SMG6: variants seen among roughly 807,000 people sequenced by gnomAD.
SMG6 encodes the protein telomerase-binding protein EST1A.
In SMG6, 66 loss-of-function variants were observed where a neutral mutation model predicts 142.2. The ratio of observed to expected loss-of-function variants is 0.46; its 90% CI spans 0.38 to 0.57. The LOEUF is 0.57. Ranked by LOEUF, SMG6 falls within the 20% of genes least tolerant of loss-of-function variation. The pLI is 0.00. For synonymous variants in SMG6, 779 were observed against 702.4 expected (o/e 1.11, Z -1.72); for missense variants, 1,793 against 1,832.0 (o/e 0.98, Z 0.39).
At chr17:2,183,761 C>T (rs897814515) in intron 12 of SMG6, among the ~76,000 whole-genome samples, 1 of 61,216 alleles carries the variant, frequency 1.6e-5, no homozygotes, top group African/African-American at 9.0e-5. Context: ...CACACACACA[C>T]ACACACACAC....
chr17:2,263,231 G>A (rs1385033190), intron 8 of SMG6, among the ~76,000 whole-genome samples: 1 of 152,156 alleles, frequency 6.6e-6, no homozygotes, highest in Non-Finnish European at 1.5e-5. Flanking sequence ...TGAGGTTGAA[G>A]AAACCCATTT....
chr17:2,076,691 A>G (rs550343450), intron 15 of SMG6, among the ~76,000 whole-genome samples: 1 of 152,334 alleles, frequency 6.6e-6, no homozygotes, highest in African/African-American at 2.4e-5. Context: ...CCCGGGCATT[A>G]AAGCGGGGTG....
chr17:2,182,787 T>G (rs952020654), intron 12 of SMG6, among the ~76,000 whole-genome samples: 1 of 151,316 alleles, frequency 6.6e-6, no homozygotes, highest in African/African-American at 2.4e-5. Flanking sequence ...CACACATAAA[T>G]GCATAACACA....
At chr17:2,135,476 C>G (rs996325967) in intron 13 of SMG6, among the ~76,000 whole-genome samples, 2 of 152,138 alleles carry the variant, frequency 1.3e-5, no homozygotes, top group Non-Finnish European at 2.9e-5. Flanking sequence ...CCCGTCCACC[C>G]CCACCAACCC....
intron 2 of SMG6, 148 bp downstream of exon 2, chr17:2,298,756 TTC>T (rs2075201481): frequency 1.4e-6 from 1 of 707,914 alleles, no homozygotes; most frequent in Middle Eastern, 4.2e-4. Flanking sequence ...AAAACTTCTG[TTC>T]TGTTTCCAAC....
chr17:2,121,254 A>ACTGC (rs1567613789), intron 13 of SMG6, among the ~76,000 whole-genome samples: 1 of 151,892 alleles, frequency 6.6e-6, no homozygotes, highest in Non-Finnish European at 1.5e-5. Flanking sequence ...AAACAGATTC[A>ACTGC]CTGTCAACCA....
chr17:2,225,315 A>G (rs2073284891), intron 10 of SMG6, among the ~76,000 whole-genome samples: 1 of 150,674 alleles, frequency 6.6e-6, no homozygotes, highest in Non-Finnish European at 1.5e-5. Context: ...CATCTTTACT[A>G]AAAATACAAA....
At chr17:2,069,060 G>T in intron 15 of SMG6, 129 bp from the exon 16 acceptor site, 1 of 871,920 alleles carries the variant, frequency 1.1e-6, no homozygotes. Flanking sequence ...GTAATAACCA[G>T]TCCCCGTCGG....
Position 2,091,276 on chromosome 17 carries a change from AG to A in SMG6, c.3358-5376del, listed in dbSNP as rs1013401750. On this transcript the variant is annotated intron_variant, in intron 13 of 18. Transcript: ENST00000263073. Reference sequence around the variant, plus strand: ...GAGGAAATGGTTTATTCACATTCCTAGGGGGAGGGGCCTCCTGGCAGGAAGC... The same window carrying A: ...GAGGAAATGGTTTATTCACATTCCTAGGGGAGGGGCCTCCTGGCAGGAAGC... 2.6e-5 allele frequency among the ~76,000 whole-genome samples: 4 copies of A among 152,174 alleles called. No individual in the cohort carries two copies. In the South Asian group the frequency reaches 6.2e-4, roughly 24 times the overall value.
intron 13 of SMG6, among the ~76,000 whole-genome samples, chr17:2,114,959 TGA>T (rs2069458389): frequency 1.4e-5 from 1 of 73,254 alleles, no homozygotes. Context: ...AATAAAAAAA[TGA>T]AATGAAATGA....
rs898467729 is a variant in SMG6, at chr17:2,071,163, G to A, written c.3682-2232C>T. 1.3e-5 allele frequency among the ~76,000 whole-genome samples: 2 copies of A among 152,102 alleles called. No homozygotes were observed. Among genetic ancestry groups the A allele is most frequent in the African/African-American group, 4.8e-5 (2 of 41,394 alleles). ...GGGTCCGGCTCTGCACTGCGCCTCTGCCTCTGCCTCTGCCCCGCAAGTCCA... is the reference window on the plus strand; with the variant it reads ...GGGTCCGGCTCTGCACTGCGCCTCTACCTCTGCCTCTGCCCCGCAAGTCCA... On this transcript the variant is annotated intron_variant, in intron 15 of 18. Coordinates refer to ENST00000263073, the MANE Select transcript of SMG6 (RefSeq NM_017575.5). The surrounding 1 kb of genome is among the most constrained non-coding windows in gnomAD (Gnocchi z 5.6).
intron 12 of SMG6, among the ~76,000 whole-genome samples, chr17:2,179,178 G>C (rs1178724912): frequency 6.6e-6 from 1 of 152,190 alleles, no homozygotes; most frequent in Non-Finnish European, 1.5e-5. Context: ...GGGAGACTGG[G>C]TGGGGAGCCA....
At chr17:2,184,594 A>C (rs2071912578) in intron 12 of SMG6, among the ~76,000 whole-genome samples, 1 of 140,608 alleles carries the variant, frequency 7.1e-6, no homozygotes, top group East Asian at 2.3e-4. Flanking sequence ...GAGGCTGAGG[A>C]TGCAGTGAGC....
At chr17:2,082,270 C>T (rs1403929431) in intron 14 of SMG6, 2 of 275,500 alleles carry the variant, frequency 7.3e-6, no homozygotes, top group Non-Finnish European at 1.4e-5. Flanking sequence ...GGTACACACT[C>T]ACAAAGTCAA....
Position 2,061,386 on chromosome 17 carries a change from T to G in SMG6, c.*106A>C. The G allele has an allele frequency of 3.5e-6, 4 of 1,131,842 alleles. No individual in the cohort carries two copies. The South Asian group carries it at 5.9e-5, about 17-fold the overall frequency. The allele number at this position is 1,131,842 out of a possible 1,614,324, so 70.1% of individuals were successfully genotyped here. ...GGTTGGAAGAGGATGGTTTATTGTC[T>G]GGGTGGATTGGTGGCTCAGGCACGT... On this transcript the variant is annotated 3_prime_UTR_variant, in exon 19 of 19. Transcript: ENST00000263073.
intron 8 of SMG6, among the ~76,000 whole-genome samples, chr17:2,261,150 C>G (rs1000974258): frequency 7.3e-6 from 1 of 136,944 alleles, no homozygotes; most frequent in Non-Finnish European, 1.6e-5. Flanking sequence ...ACTAAAAATA[C>G]AAAAAAAAAA....
chr17:2,299,526 C>G lies in SMG6; in HGVS notation c.1227G>C (p.Leu409=). The G allele has an allele frequency of 1.2e-6, 2 of 1,614,122 alleles. No individual in the cohort carries two copies. Among genetic ancestry groups the G allele is most frequent in the Non-Finnish European group, 1.7e-6 (2 of 1,180,026 alleles). ...ATAGGGTGGTATGGGCAGGCAAAATCAGAATGCCACGACCACGACCCCGAA... is the reference window on the plus strand; with the variant it reads ...ATAGGGTGGTATGGGCAGGCAAAATGAGAATGCCACGACCACGACCCCGAA... ...QELRGRGRGI[L]ILPAHTTLSV... is the part of the protein sequence containing the mutation. The change falls in exon 2 of 19, where the codon CTG becomes CTC. Residue 409 remains leucine (L), a synonymous_variant. Coordinates refer to ENST00000263073, the MANE Select transcript of SMG6 (RefSeq NM_017575.5). The surrounding 1 kb of genome is among the most constrained non-coding windows in gnomAD (Gnocchi z 4.3).
intron 10 of SMG6, among the ~76,000 whole-genome samples, chr17:2,199,215 C>T (rs1455187115): frequency 6.6e-6 from 1 of 152,172 alleles, no homozygotes; most frequent in Non-Finnish European, 1.5e-5. Context: ...GCACATTCTT[C>T]AAGAAAGGGC....
intron 10 of SMG6, among the ~76,000 whole-genome samples, chr17:2,215,206 A>C (rs1489103982): frequency 8.5e-6 from 1 of 117,950 alleles, no homozygotes; most frequent in Non-Finnish European, 1.8e-5. Context: ...TTGTGCGTAC[A>C]TTATAAACAC....
Sources: gnomAD v4.1 joint callset for allele counts (sites outside exome capture counted in the v4.1 genomes callset) on GRCh38, gnomAD v4.1.1 for gene constraint, Gnocchi (gnomAD v3.1) non-coding constraint, MANE v1.5 for transcripts, NCBI Gene and HGNC (gene_info 2026-07-23, HGNC 2026-07-21) for gene names.